COLEC10: variants seen among roughly 807,000 people sequenced by gnomAD.
The protein encoded by COLEC10 is collectin-10.
In COLEC10, 22 loss-of-function variants were observed where a neutral mutation model predicts 28.4. The ratio of observed to expected loss-of-function variants is 0.78; its 90% CI spans 0.55 to 1.11. COLEC10 has a LOEUF of 1.11. Ranked by LOEUF, COLEC10 falls within the 50% of genes least tolerant of loss-of-function variation. The probability of loss-of-function intolerance (pLI) is 0.00; values close to 1 mark genes in which losing one functional copy is unlikely to be tolerated. For missense variants in COLEC10, 361 were observed against 344.1 expected, an observed-to-expected ratio of 1.05 and a Z score of -0.39; for synonymous variants, 125 against 116.1, an observed-to-expected ratio of 1.08 and a Z score of -0.49.
At chr8:119,087,328 A>C (rs1815499982) in intron 1 of COLEC10, among the ~76,000 whole-genome samples, 1 of 152,194 alleles carries the variant, frequency 6.6e-6, no homozygotes. Context: ...ATAAAGTGTT[A>C]TTTTTAAGCA....
intron 2 of COLEC10, among the ~76,000 whole-genome samples, chr8:119,018,723 G>C (rs1450045345): frequency 6.6e-6 from 1 of 152,124 alleles, no homozygotes; most frequent in African/African-American, 2.4e-5. Context: ...AAACTGTAAA[G>C]TCCAAATCAT....
chr8:119,055,135 T>C (rs1052213086), intron 2 of COLEC10, among the ~76,000 whole-genome samples: 1 of 152,128 alleles, frequency 6.6e-6, no homozygotes, highest in African/African-American at 2.4e-5. Flanking sequence ...AGGAATGGAT[T>C]GTATTCTGTT....
At chr8:119,013,889 C>T (rs984288627) in intron 2 of COLEC10, among the ~76,000 whole-genome samples, 6 of 150,750 alleles carry the variant, frequency 4.0e-5, no homozygotes, top group African/African-American at 1.5e-4. Context: ...TGTACACTTA[C>T]AACTAATCCA....
chr8:119,010,436 A>G (rs771499392), intron 2 of COLEC10, among the ~76,000 whole-genome samples: 1 of 150,976 alleles, frequency 6.6e-6, no homozygotes, highest in Non-Finnish European at 1.5e-5. Context: ...GTTGCTTTTA[A>G]GTTTTGGCAA....
At chr8:119,050,721 C>G (rs1287869972) in intron 2 of COLEC10, among the ~76,000 whole-genome samples, 1 of 152,124 alleles carries the variant, frequency 6.6e-6, no homozygotes, top group Non-Finnish European at 1.5e-5. Context: ...GTTACTGATG[C>G]AAAGGAAGTC....
At chr8:119,018,476 G>T (rs1814032298) in intron 2 of COLEC10, among the ~76,000 whole-genome samples, 1 of 152,180 alleles carries the variant, frequency 6.6e-6, no homozygotes, top group Non-Finnish European at 1.5e-5. Context: ...TACTTTAAGA[G>T]TTATTGCTAT....
chr8:119,088,837 A>T (rs146965837), intron 1 of COLEC10, among the ~76,000 whole-genome samples: 1 of 152,192 alleles, frequency 6.6e-6, no homozygotes, highest in Non-Finnish European at 1.5e-5. Flanking sequence ...CTAAGCACTG[A>T]TTGTATCCCA....
intron 3 of COLEC10, 93 bp downstream of exon 3, chr8:119,091,313 C>A (rs920848657): frequency 3.4e-6 from 3 of 890,754 alleles, no homozygotes; most frequent in East Asian, 2.6e-5. Context: ...ACTCAGAGAC[C>A]GAGGTGGGAG....
chr8:119,045,472 C>T (rs912238486), intron 2 of COLEC10, among the ~76,000 whole-genome samples: 1 of 151,704 alleles, frequency 6.6e-6, no homozygotes, highest in Non-Finnish European at 1.5e-5. Flanking sequence ...TATGGTATAA[C>T]TTTACTTGAT....
At chr8:119,027,323 T>C (rs1251446363) in intron 2 of COLEC10, among the ~76,000 whole-genome samples, 4 of 152,194 alleles carry the variant, frequency 2.6e-5, no homozygotes, top group African/African-American at 4.8e-5. Context: ...ATACATTTTA[T>C]TAAGTTTTTC....
At chr8:118,978,575 A>C in the COLEC10 span, among the ~76,000 whole-genome samples, 1 of 151,976 alleles carries the variant, frequency 6.6e-6, no homozygotes, top group African/African-American at 2.4e-5. Flanking sequence ...TTCTCTATGC[A>C]GTTTTAAAAA....
Position 119,106,155 on chromosome 8 carries a change from G to C in COLEC10, c.798G>C (p.Met266Ile), listed in dbSNP as rs1039949046. Residue 266 changes from methionine to isoleucine, a missense_variant, in exon 6 of 6, where the codon ATG (methionine) becomes ATC (isoleucine). Around this residue, in one of 3 missense-constraint regions of COLEC10, gnomAD observed 22 missense variants for 17.3 expected, o/e 1.28. Transcript: ENST00000332843. ...RWNDTECHLT[M>I]YFVCEFIKKK... ...ATGACACAGAGTGCCATCTTACCATGTACTTTGTCTGTGAGTTCATCAAGA... is the reference window on the plus strand; with the variant it reads ...ATGACACAGAGTGCCATCTTACCATCTACTTTGTCTGTGAGTTCATCAAGA... 2 of 1,606,598 alleles carry C rather than the reference G, an allele frequency of 1.2e-6. No homozygotes were observed. The highest frequency in any genetic ancestry group is 8.5e-7 in the Non-Finnish European group (1 of 1,173,928).
At chr8:119,015,200 G>A (rs114973859) in intron 2 of COLEC10, among the ~76,000 whole-genome samples, 1,988 of 151,030 alleles carry the variant, frequency 0.013, 167 homozygotes, top group African/African-American at 0.047. Flanking sequence ...TTAGTAATGT[G>A]GTGATATGGT....
chr8:119,070,446 GCTCTCT>G (rs760543405), intron 1 of COLEC10, among the ~76,000 whole-genome samples: 20 of 80,600 alleles, frequency 2.5e-4, no homozygotes, highest in South Asian at 4.8e-4. Context: ...GTTCTCCCTC[GCTCTCT>G]CTCTCTCTCT....
chr8:119,001,381 T>C (rs546686887), intron 1 of COLEC10, among the ~76,000 whole-genome samples: 55 of 152,180 alleles, frequency 3.6e-4, no homozygotes, highest in Admixed American at 2.6e-3. Flanking sequence ...TGACATTATA[T>C]AAATTGGAGG....
At chr8:119,086,450 TAC>T (rs1815483696) in intron 1 of COLEC10, among the ~76,000 whole-genome samples, 1 of 151,080 alleles carries the variant, frequency 6.6e-6, no homozygotes, top group Non-Finnish European at 1.5e-5. Context: ...TTAAAGTAAG[TAC>T]CAAAGATCAA....
intron 1 of COLEC10, among the ~76,000 whole-genome samples, chr8:119,008,779 T>C (rs1325912824): frequency 6.6e-6 from 1 of 151,058 alleles, no homozygotes; most frequent in Non-Finnish European, 1.5e-5. Flanking sequence ...GTTTTTGCCA[T>C]TAAAAGTAAA....
At chr8:119,075,854 A>C (rs1815218332) in intron 1 of COLEC10, among the ~76,000 whole-genome samples, 1 of 147,512 alleles carries the variant, frequency 6.8e-6, no homozygotes, top group Non-Finnish European at 1.5e-5. Context: ...CTGTTAAATG[A>C]GATGATGTCA....
In COLEC10 at chr8:119,069,630, ATATATATATAT is replaced by A. The variant is rs1411902858; in HGVS notation, c.148+2202_148+2212del. Among the ~76,000 whole-genome samples, 89 of 28,872 alleles carry A rather than the reference ATATATATATAT, an allele frequency of 3.1e-3. 1 individual carries two copies. The highest frequency in any genetic ancestry group is 9.4e-3 in the African/African-American group (69 of 7,344). The allele number at this position is 28,872 out of a possible 152,430, so 18.9% of individuals were successfully genotyped here. A position where few individuals can be genotyped will look rare whatever the true frequency, so the allele number is the denominator to read the frequency against. On this transcript the variant is annotated intron_variant, in intron 1 of 5. Transcript: ENST00000332843. ...CAAAAAAAAAAAAAAAAAAAAAAAA[ATATATATATAT>A]ATATATATATATATATATATGTAAA...
Sources: gnomAD v4.1 joint callset for allele counts (sites outside exome capture counted in the v4.1 genomes callset) on GRCh38, gnomAD v4.1.1 for gene constraint, gnomAD v4.1.1 regional missense constraint, MANE v1.5 for transcripts, NCBI Gene and HGNC (gene_info 2026-07-23, HGNC 2026-07-21) for gene names.